ABCC4: variants seen among roughly 807,000 people sequenced by gnomAD.
ABCC4 encodes the protein ATP-binding cassette sub-family C member 4.
ABCC4 carries 102 observed loss-of-function variants against 168.5 expected under a neutral mutation model. That is an observed-to-expected ratio of 0.61 (90% confidence interval 0.52 to 0.71). ABCC4 has a LOEUF of 0.71. Among genes scored for constraint, ABCC4 ranks in the 30% least tolerant of loss-of-function variants. The pLI is 0.00. For synonymous variants in ABCC4, 617 were observed against 590.7 expected (o/e 1.04, Z -0.65); for missense variants, 1,402 against 1,605.8 (o/e 0.87, Z 2.17).
chr13:95,033,756 C>T (rs558928106), intron 30 of ABCC4, among the ~76,000 whole-genome samples: 22 of 151,600 alleles, frequency 1.5e-4, no homozygotes, highest in Admixed American at 1.2e-3. Flanking sequence ...TCCGCCTCCT[C>T]GGTTCAAGTG....
chr13:95,294,769 A>G (rs2041484870), intron 1 of ABCC4, among the ~76,000 whole-genome samples: 1 of 151,990 alleles, frequency 6.6e-6, no homozygotes, highest in African/African-American at 2.4e-5. Context: ...CCTGGACAAC[A>G]TGTTGAAACC....
intron 19 of ABCC4, among the ~76,000 whole-genome samples, chr13:95,149,476 T>G (rs987115223): frequency 6.6e-6 from 1 of 152,128 alleles, no homozygotes; most frequent in Non-Finnish European, 1.5e-5. Flanking sequence ...AGAAGAAGAA[T>G]ACATTTATAG....
At chr13:95,132,662 T>C (rs982927663) in intron 19 of ABCC4, among the ~76,000 whole-genome samples, 8 of 152,132 alleles carry the variant, frequency 5.3e-5, no homozygotes, top group Admixed American at 1.3e-4. Flanking sequence ...CATTCTCAGT[T>C]GGTTGAATCT....
At chr13:95,300,470 C>T (rs1019485643) in intron 1 of ABCC4, among the ~76,000 whole-genome samples, 1 of 152,176 alleles carries the variant, frequency 6.6e-6, no homozygotes, top group African/African-American at 2.4e-5. Flanking sequence ...AGAACAGGGT[C>T]CCCATTCATA....
At chr13:95,128,592 C>T (rs2035861666) in intron 19 of ABCC4, among the ~76,000 whole-genome samples, 1 of 152,162 alleles carries the variant, frequency 6.6e-6, no homozygotes, top group East Asian at 1.9e-4. Context: ...CACCTACTTA[C>T]AATATTTATT....
chr13:95,058,474 C>A (rs1263104493), intron 26 of ABCC4, among the ~76,000 whole-genome samples: 1 of 141,064 alleles, frequency 7.1e-6, no homozygotes, highest in Non-Finnish European at 1.5e-5. Context: ...GAGGCAGAGG[C>A]AGGAGAATCG....
At chr13:95,133,718 G>A (rs939153760) in intron 19 of ABCC4, among the ~76,000 whole-genome samples, 8 of 152,170 alleles carry the variant, frequency 5.3e-5, no homozygotes, top group African/African-American at 1.7e-4. Context: ...AGCGACATCT[G>A]AGGGGAGGAA....
chr13:95,243,916 C>T (rs569149790), intron 3 of ABCC4, among the ~76,000 whole-genome samples: 3 of 150,212 alleles, frequency 2.0e-5, no homozygotes, highest in East Asian at 3.9e-4. Flanking sequence ...AAAAAGAGTT[C>T]GTGGTCAACC....
intron 20 of ABCC4, among the ~76,000 whole-genome samples, chr13:95,106,930 G>A (rs1173234864): frequency 6.6e-6 from 1 of 152,122 alleles, no homozygotes; most frequent in Non-Finnish European, 1.5e-5. Flanking sequence ...ACATGGGGCT[G>A]TGGGGGAGTT....
At chr13:95,270,566 G>A (rs1253108825) in intron 1 of ABCC4, among the ~76,000 whole-genome samples, 3 of 152,134 alleles carry the variant, frequency 2.0e-5, no homozygotes, top group Non-Finnish European at 4.4e-5. Flanking sequence ...AAGAGAAAGG[G>A]AGGTCTACCA....
chr13:95,287,444 G>C (rs1172410387), intron 1 of ABCC4, among the ~76,000 whole-genome samples: 5 of 151,388 alleles, frequency 3.3e-5, no homozygotes, highest in Admixed American at 2.0e-4. Flanking sequence ...AAAATTAGCT[G>C]GGCATGGTGG....
At chr13:95,212,786 T>C (rs1056008788) in intron 4 of ABCC4, among the ~76,000 whole-genome samples, 5 of 152,114 alleles carry the variant, frequency 3.3e-5, no homozygotes, top group Non-Finnish European at 7.3e-5. Flanking sequence ...AAATCAGTCA[T>C]ACTCCAGATA....
chr13:95,074,641 G>A (rs1184414319), intron 22 of ABCC4, among the ~76,000 whole-genome samples: 1 of 152,170 alleles, frequency 6.6e-6, no homozygotes, highest in African/African-American at 2.4e-5. Flanking sequence ...CATCTCATGT[G>A]AAGTCCACCC....
chr13:95,111,816 C>A (rs897752864), intron 20 of ABCC4, among the ~76,000 whole-genome samples: 1 of 152,148 alleles, frequency 6.6e-6, no homozygotes, highest in Non-Finnish European at 1.5e-5. Context: ...GCGATTTCAT[C>A]GGGAGAGTAA....
At chr13:95,275,978 TC>T (rs966784134) in intron 1 of ABCC4, among the ~76,000 whole-genome samples, 9 of 152,136 alleles carry the variant, frequency 5.9e-5, no homozygotes, top group African/African-American at 2.2e-4. Context: ...AACATGCCAA[TC>T]CTTAGCCTGA....
At chr13:95,061,944 T>C in intron 26 of ABCC4, among the ~76,000 whole-genome samples, 1 of 152,114 alleles carries the variant, frequency 6.6e-6, no homozygotes, top group East Asian at 1.9e-4. Context: ...ATTGTACAAA[T>C]AATCCAATCT....
At chr13:95,195,984 G>C (rs1472243010) in intron 8 of ABCC4, among the ~76,000 whole-genome samples, 2 of 152,022 alleles carry the variant, frequency 1.3e-5, no homozygotes, top group African/African-American at 4.8e-5. Context: ...CAGCAGAACG[G>C]ACCAATCTCT....
chr13:95,227,407 AG>A (rs146728110), intron 4 of ABCC4, among the ~76,000 whole-genome samples: 27,177 of 152,250 alleles, frequency 0.18, 3,305 homozygotes, highest in Non-Finnish European at 0.27. Flanking sequence ...ACTGTGGGGG[AG>A]AAAAGTTTTT....
chr13:95,258,196 C>T (rs1410247808), intron 1 of ABCC4, among the ~76,000 whole-genome samples: 1 of 152,186 alleles, frequency 6.6e-6, no homozygotes, highest in Non-Finnish European at 1.5e-5. Context: ...TGTGATCTTT[C>T]AATAGAAAAG....
Sources: gnomAD v4.1 joint callset for allele counts (sites outside exome capture counted in the v4.1 genomes callset) on GRCh38, gnomAD v4.1.1 for gene constraint, MANE v1.5 for transcripts, NCBI Gene and HGNC (gene_info 2026-07-23, HGNC 2026-07-21) for gene names.